USP47: variants seen among roughly 807,000 people sequenced by gnomAD.
USP47 encodes ubiquitin specific peptidase 47.
In USP47, 35 loss-of-function variants were observed where a neutral mutation model predicts 165.1. The observed-to-expected ratio is 0.21, with a 90% CI of 0.16 to 0.28. USP47 has a LOEUF of 0.28. USP47 is among the 10% of genes least tolerant of loss of function. The pLI is 1.00. For synonymous variants in USP47, 531 were observed against 544.5 expected (o/e 0.98, Z 0.35); for missense variants, 1,277 against 1,607.4 (o/e 0.79, Z 3.52).
At chr11:11,927,653 C>G (rs1854351494) in intron 11 of USP47, among the ~76,000 whole-genome samples, 1 of 152,098 alleles carries the variant, frequency 6.6e-6, no homozygotes, top group Admixed American at 6.5e-5. Context: ...GGAATTTGGA[C>G]TAGGTGCTTT....
At chr11:11,947,764 T>G (rs770897466) in intron 20 of USP47, among the ~76,000 whole-genome samples, 181 bp from the exon 21 acceptor site, 25 of 152,230 alleles carry the variant, frequency 1.6e-4, no homozygotes, top group Non-Finnish European at 3.7e-4. Context: ...AGATAAAACC[T>G]ATCAGAAACC....
intron 1 of USP47, among the ~76,000 whole-genome samples, chr11:11,873,613 C>A (rs1180674204): frequency 6.6e-6 from 1 of 152,008 alleles, no homozygotes; most frequent in Non-Finnish European, 1.5e-5. Flanking sequence ...TTCTTTATCA[C>A]CTCTTTATCA....
In USP47 at chr11:11,842,110, T is replaced by C; in HGVS notation, c.-76T>C. 3.9e-6 allele frequency: 6 copies of C among 1,520,780 alleles called. No homozygotes were observed. The highest frequency in any genetic ancestry group is 2.5e-5 in the East Asian group (1 of 40,582). 94.2% of individuals were successfully genotyped at this position (1,520,780 alleles called of 1,614,324 possible). A position where few individuals can be genotyped will look rare whatever the true frequency, so the allele number is the denominator to read the frequency against. On this transcript the variant is annotated 5_prime_UTR_variant, in exon 1 of 28. Coordinates refer to ENST00000527733, the MANE Select transcript of USP47 (RefSeq NM_001282659.2). ...CGGAGAGGATGACTGCCGCTGCCATTCTCTCTTGAGCTAGCGAGCCGCCGC... is the reference window on the plus strand; with the variant it reads ...CGGAGAGGATGACTGCCGCTGCCATCCTCTCTTGAGCTAGCGAGCCGCCGC...
intron 11 of USP47, among the ~76,000 whole-genome samples, chr11:11,926,584 G>A (rs751556052): frequency 1.3e-5 from 2 of 151,766 alleles, no homozygotes; most frequent in Non-Finnish European, 2.9e-5. Context: ...CTAGCTAAGG[G>A]TTTGTAAACT....
intron 2 of USP47, among the ~76,000 whole-genome samples, chr11:11,881,504 C>G (rs1450200089): frequency 6.6e-6 from 1 of 152,156 alleles, no homozygotes; most frequent in Non-Finnish European, 1.5e-5. Context: ...TTTATCTCCA[C>G]AGTAGTCTTC....
intron 19 of USP47, 57 bp downstream of exon 19, chr11:11,940,605 A>C: frequency 6.4e-7 from 1 of 1,569,918 alleles, no homozygotes; most frequent in Non-Finnish European, 8.7e-7. Flanking sequence ...AAATGAAATT[A>C]GGTTCAATAT....
intron 1 of USP47, among the ~76,000 whole-genome samples, chr11:11,849,218 T>G (rs988354846): frequency 2.0e-5 from 3 of 152,198 alleles, no homozygotes; most frequent in Admixed American, 2.0e-4. Context: ...ACATCAGTAT[T>G]TCAGTTTATA....
chr11:11,910,351 C>G (rs1186548295), intron 8 of USP47, among the ~76,000 whole-genome samples: 1 of 152,090 alleles, frequency 6.6e-6, no homozygotes, highest in African/African-American at 2.4e-5. Flanking sequence ...GCAATGGGTA[C>G]AGACTGAAAA....
chr11:11,894,394 A>AAC (rs1851725900), intron 4 of USP47, among the ~76,000 whole-genome samples: 4 of 152,104 alleles, frequency 2.6e-5, no homozygotes, highest in Non-Finnish European at 4.4e-5. Context: ...AGGTGGTTGC[A>AAC]GTGAGCCGAA....
chr11:11,924,858 G>A (rs925953518), intron 11 of USP47, among the ~76,000 whole-genome samples: 8 of 151,912 alleles, frequency 5.3e-5, no homozygotes, highest in African/African-American at 1.7e-4. Context: ...TTTTAATCTC[G>A]GTTAGCCTAA....
In USP47 at chr11:11,929,558, T is replaced by G. The variant is rs755767497; in HGVS notation, c.1511T>G (p.Val504Gly). ...TGGTACAGCTTCAATGATCAACATG[T>G]CAGCAGGGTAAGGAGGTGTCCTTTA... Reference protein sequence around the residue: ...EQWYSFNDQHVSRITQEDIKK... With the variant: ...EQWYSFNDQHGSRITQEDIKK... The change falls in exon 12 of 28, where the codon GTC becomes GGC. Residue 504 changes from valine to glycine, a missense_variant. Val to Gly is a moderately radical substitution (Grantham distance 109). Around this residue, in one of 4 missense-constraint regions of USP47, gnomAD observed 909 missense variants for 1,068.1 expected, o/e 0.85. Transcript: ENST00000527733. 6.2e-7 allele frequency: 1 copy of G among 1,612,922 alleles called. No homozygotes were observed. The highest frequency in any genetic ancestry group is 8.5e-7 in the Non-Finnish European group (1 of 1,179,196).
intron 1 of USP47, among the ~76,000 whole-genome samples, chr11:11,875,715 T>C (rs934118505): frequency 3.9e-5 from 6 of 152,212 alleles, no homozygotes; most frequent in African/African-American, 1.4e-4. Context: ...GCGATTCTCC[T>C]GCTTCTGCCT....
chr11:11,851,209 T>C (rs921524636), intron 1 of USP47, among the ~76,000 whole-genome samples: 5 of 152,232 alleles, frequency 3.3e-5, no homozygotes, highest in Non-Finnish European at 5.9e-5. Context: ...TCTTTAAGCA[T>C]GCAGATTAAC....
rs1410808548 is a variant in USP47 at position 11,960,161 on chromosome 11, G to A, written c.*3986G>A. On this transcript the variant is annotated 3_prime_UTR_variant, in exon 28 of 28. Coordinates refer to ENST00000527733, the MANE Select transcript of USP47 (RefSeq NM_001282659.2). Reference sequence around the variant, plus strand: ...TTAAAGTTCAGTGGTTTCATTCAAAGCTCCCCTGAACCTCCATAGTGCCTC... The same window carrying A: ...TTAAAGTTCAGTGGTTTCATTCAAAACTCCCCTGAACCTCCATAGTGCCTC... 1.3e-5 allele frequency among the ~76,000 whole-genome samples: 2 copies of A among 152,078 alleles called. No homozygotes were observed. Among genetic ancestry groups the A allele is most frequent in the African/African-American group, 4.8e-5 (2 of 41,396 alleles).
intron 10 of USP47, among the ~76,000 whole-genome samples, chr11:11,921,471 C>T (rs1853833147): frequency 6.6e-6 from 1 of 151,778 alleles, no homozygotes; most frequent in Non-Finnish European, 1.5e-5. Context: ...TTCATAAAAC[C>T]TTTTGAGCCT....
rs535785315 is a variant in USP47, at chr11:11,897,761, T to G, written c.593+68T>G. ...ATGAAAATATCACTTTTAACAAAAT[T>G]TATCTTCTTGCAGTTATTTTAAAGT... On this transcript the variant is annotated intron_variant, in intron 5 of 27. Transcript: ENST00000527733. The G allele has an allele frequency of 4.0e-5, 46 of 1,140,772 alleles. No individual in the cohort carries two copies. In the East Asian group the frequency reaches 1.1e-3, roughly 28 times the overall value. 70.7% of individuals were successfully genotyped at this position (1,140,772 alleles called of 1,614,324 possible). A position where few individuals can be genotyped will look rare whatever the true frequency, so the allele number is the denominator to read the frequency against.
At chr11:11,921,017 T>A (rs1853797369) in intron 10 of USP47, among the ~76,000 whole-genome samples, 1 of 151,800 alleles carries the variant, frequency 6.6e-6, no homozygotes, top group South Asian at 2.1e-4. Flanking sequence ...AATTTAAGCA[T>A]GGGATTTGAA....
At chr11:11,898,225 C>A (rs1178166660) in intron 5 of USP47, among the ~76,000 whole-genome samples, 1 of 151,972 alleles carries the variant, frequency 6.6e-6, no homozygotes, top group Non-Finnish European at 1.5e-5. Flanking sequence ...TTTAAGTAAA[C>A]CCTGAAGTCA....
chr11:11,871,854 TG>T (rs1303638653), intron 1 of USP47, among the ~76,000 whole-genome samples: 1 of 152,192 alleles, frequency 6.6e-6, no homozygotes, highest in Non-Finnish European at 1.5e-5. Context: ...TTACCTTTTT[TG>T]TTTCTGCTTT....
Sources: allele counts gnomAD v4.1 joint callset (sites outside exome capture counted in the v4.1 genomes callset), GRCh38; gene constraint gnomAD v4.1.1; regional missense constraint gnomAD v4.1.1; transcripts MANE v1.5; gene names NCBI Gene and HGNC (gene_info 2026-07-23, HGNC 2026-07-21).